The following MS4A12 variants were observed in gnomAD, a reference collection of about 807,000 sequenced individuals.
The protein encoded by MS4A12 is membrane spanning 4-domains A12.
MS4A12 carries 28 observed loss-of-function variants against 23.7 expected under a neutral mutation model. The ratio of observed to expected loss-of-function variants is 1.18; its 90% CI spans 0.88 to 1.62. MS4A12 has a LOEUF of 1.62. Among genes scored for constraint, MS4A12 ranks in the 40% most tolerant of loss-of-function variants. The pLI, the probability that MS4A12 is intolerant of heterozygous loss-of-function variation, is 0.00. For synonymous variants in MS4A12, 108 were observed against 110.1 expected (o/e 0.98, Z 0.12); for missense variants, 342 against 327.0 (o/e 1.05, Z -0.35).
intron 3 of MS4A12, 110 bp downstream of exon 3, chr11:60,501,292 C>G: frequency 8.1e-7 from 1 of 1,232,162 alleles, no homozygotes; most frequent in Non-Finnish European, 1.1e-6. Context: ...TTGATAAAGC[C>G]CTACATCTGA....
chr11:60,493,254 T>G (rs1410660545), intron 1 of MS4A12, among the ~76,000 whole-genome samples: 1 of 151,732 alleles, frequency 6.6e-6, no homozygotes, highest in African/African-American at 2.4e-5. Context: ...CAGGTGCCTG[T>G]AATCCCAGCT....
chr11:60,506,882 G>T (rs2086574678), intron 6 of MS4A12, 44 bp downstream of exon 6: 7 of 1,572,588 alleles, frequency 4.5e-6, no homozygotes, highest in Non-Finnish European at 4.4e-6. Flanking sequence ...AAAATGCCCT[G>T]GAGAAATACA....
chr11:60,493,791 T>C (rs1191623243), intron 1 of MS4A12, among the ~76,000 whole-genome samples: 3 of 152,328 alleles, frequency 2.0e-5, no homozygotes, highest in African/African-American at 7.2e-5. Context: ...GAAGTTAGCA[T>C]GAAAATGAGG....
chr11:60,496,830 C>G (rs8181503), intron 1 of MS4A12, among the ~76,000 whole-genome samples: 1 of 151,874 alleles, frequency 6.6e-6, no homozygotes, highest in Non-Finnish European at 1.5e-5. Flanking sequence ...CTTCTAGAGG[C>G]GACCCATACA....
intron 5 of MS4A12, among the ~76,000 whole-genome samples, chr11:60,505,955 G>A (rs2135236234): frequency 6.6e-6 from 1 of 152,308 alleles, no homozygotes; most frequent in South Asian, 2.1e-4. Flanking sequence ...GACAGAAAAA[G>A]TGAAGTCCAT....
chr11:60,497,570 T>G lies in MS4A12; in HGVS notation c.252T>G (p.Phe84Leu). ...GTGTGGGAACAGCAGTAATGAACTT[T>G]AAAGAAGAAGCAAAGGCACTAGGGG... ...NPSVGTAVMN[F>L]KEEAKALGVI... The change falls in exon 2 of 7, where the codon TTT becomes TTG. Residue 84 changes from phenylalanine to leucine, a missense_variant. Physicochemically the swap from Phe to Leu is conservative, Grantham distance 22. Transcript: ENST00000016913. 1 of 1,614,130 alleles carries G rather than the reference T, an allele frequency of 6.2e-7. No homozygotes were observed. The highest frequency in any genetic ancestry group is 8.5e-7 in the Non-Finnish European group (1 of 1,179,956).
At chr11:60,499,896 ATG>A (rs1466490970) in intron 2 of MS4A12, among the ~76,000 whole-genome samples, 1 of 152,218 alleles carries the variant, frequency 6.6e-6, no homozygotes, top group Non-Finnish European at 1.5e-5. Context: ...GAGGTAAAAG[ATG>A]TATACCTTAC....
chr11:60,494,629 G>A (rs1303838172), intron 1 of MS4A12, among the ~76,000 whole-genome samples: 1 of 152,118 alleles, frequency 6.6e-6, no homozygotes, highest in Non-Finnish European at 1.5e-5. Flanking sequence ...TAAAATAATA[G>A]TTCCTTTTTA....
intron 5 of MS4A12, among the ~76,000 whole-genome samples, chr11:60,504,718 G>C (rs982808332): frequency 1.3e-5 from 2 of 151,960 alleles, no homozygotes; most frequent in Non-Finnish European, 2.9e-5. Context: ...TCCTTTATCA[G>C]TTCACTCAAT....
chr11:60,502,178 C>T lies in MS4A12; in HGVS notation c.471+139C>T. 3 of 826,570 alleles carry T rather than the reference C, an allele frequency of 3.6e-6. No individual in the cohort carries two copies. The South Asian group carries it at 5.0e-5, about 14-fold the overall frequency. The allele number at this position is 826,570 out of a possible 1,614,324, so 51.2% of individuals were successfully genotyped here. A position where few individuals can be genotyped will look rare whatever the true frequency, so the allele number is the denominator to read the frequency against. On this transcript the variant is annotated intron_variant, in intron 4 of 6. Coordinates refer to ENST00000016913, the MANE Select transcript of MS4A12 (RefSeq NM_017716.3). Reference sequence around the variant, plus strand: ...AAAAATCTATTGGTTGCCTTATGGTCTGAGCGCTGGGGTGAGAAAATGGTC... The same window carrying T: ...AAAAATCTATTGGTTGCCTTATGGTTTGAGCGCTGGGGTGAGAAAATGGTC...
Position 60,502,011 on chromosome 11 carries a change from C to G in MS4A12, c.443C>G (p.Ser148Ter), listed in dbSNP as rs1288881477. 1 of 1,613,240 alleles carries G rather than the reference C, an allele frequency of 6.2e-7. No homozygotes were observed. The change falls in exon 4 of 7, where the codon TCA (serine) becomes TGA (stop). Residue 148 changes from serine to a stop codon, truncating the protein, a stop_gained. Coordinates refer to ENST00000016913, the MANE Select transcript of MS4A12 (RefSeq NM_017716.3). LOFTEE classifies it high-confidence loss of function. ...SFIISGSLSV[S>*]ASKELSRCLV... ...ATTATCTCTGGCTCTCTCTCTGTGTCAGCATCCAAGGAGCTTTCCCGTTGT... is the reference window on the plus strand; with the variant it reads ...ATTATCTCTGGCTCTCTCTCTGTGTGAGCATCCAAGGAGCTTTCCCGTTGT...
intron 5 of MS4A12, among the ~76,000 whole-genome samples, chr11:60,506,369 T>C (rs1225310556): frequency 1.3e-5 from 2 of 152,240 alleles, no homozygotes; most frequent in Admixed American, 1.3e-4. Flanking sequence ...ATTTTGGTTA[T>C]TTCTAAACAC....
At chr11:60,497,847 G>A (rs894018490) in intron 2 of MS4A12, 11 of 437,790 alleles carry the variant, frequency 2.5e-5, no homozygotes, top group African/African-American at 2.0e-4. Context: ...CAGAAGCACT[G>A]TTACATCTAG....
Position 60,501,975 on chromosome 11 carries a change from T to G in MS4A12, c.415-8T>G, listed in dbSNP as rs754294239. ...CCATTTCACAAATAAATTTGTCCAT[T>G]TCCACAGTTTATTATCTCTGGCTCT... On this transcript the variant is annotated splice_polypyrimidine_tract_variant and splice_region_variant and intron_variant, in intron 3 of 6. Coordinates refer to ENST00000016913, the MANE Select transcript of MS4A12 (RefSeq NM_017716.3). 3.1e-6 allele frequency: 5 copies of G among 1,609,578 alleles called. No individual in the cohort carries two copies. Among genetic ancestry groups the G allele is most frequent in the Non-Finnish European group, 3.4e-6 (4 of 1,176,724 alleles).
At chr11:60,502,473 CT>C (rs2086538495) in intron 4 of MS4A12, among the ~76,000 whole-genome samples, 1 of 152,162 alleles carries the variant, frequency 6.6e-6, no homozygotes. Context: ...CTATTTCCTA[CT>C]CTTACACAGG....
chr11:60,505,686 A>T (rs571994488), intron 5 of MS4A12, among the ~76,000 whole-genome samples: 1 of 152,288 alleles, frequency 6.6e-6, no homozygotes, highest in African/African-American at 2.4e-5. Context: ...AGTCTCACTA[A>T]CACTCTCCAG....
chr11:60,501,202 A>G lies in MS4A12; in HGVS notation c.414+20A>G. On this transcript the variant is annotated intron_variant, in intron 3 of 6. Transcript: ENST00000016913. The stretch of plus-strand genomic sequence containing the variant: ...CTTTCTGTGAGTAGATTGCTAGAAC[A>G]CCAGTCCTTCTTGGTTTATAAAGTA... 6.3e-7 allele frequency: 1 copy of G among 1,591,584 alleles called. No individual in the cohort carries two copies. The highest frequency in any genetic ancestry group is 8.5e-7 in the Non-Finnish European group (1 of 1,171,620).
intron 5 of MS4A12, among the ~76,000 whole-genome samples, chr11:60,505,873 C>T (rs1354322725): frequency 6.6e-6 from 1 of 152,182 alleles, no homozygotes; most frequent in Non-Finnish European, 1.5e-5. Flanking sequence ...CAGAAATGCA[C>T]AGGAATGCAC....
chr11:60,498,878 G>A (rs1458025169), intron 2 of MS4A12, among the ~76,000 whole-genome samples: 1 of 152,060 alleles, frequency 6.6e-6, no homozygotes, highest in Non-Finnish European at 1.5e-5. Flanking sequence ...ATGTCTTTGA[G>A]GTATTTGAAG....
Sources: gnomAD v4.1 joint callset for allele counts (sites outside exome capture counted in the v4.1 genomes callset) on GRCh38, gnomAD v4.1.1 for gene constraint, MANE v1.5 for transcripts, NCBI Gene and HGNC (gene_info 2026-07-23, HGNC 2026-07-21) for gene names.